The following CSNK2A2IP variants were observed in gnomAD, a reference collection of about 807,000 sequenced individuals.
CSNK2A2IP encodes casein kinase II subunit alpha'-interacting protein.
the CSNK2A2IP span, among the ~76,000 whole-genome samples, chr3:88,367,368 G>A: frequency 6.6e-6 from 1 of 151,956 alleles, no homozygotes; most frequent in Non-Finnish European, 1.5e-5. Context: ...GGTGTCATAG[G>A]GTCAGAGACA....
the CSNK2A2IP span, among the ~76,000 whole-genome samples, chr3:88,370,954 A>G: frequency 6.6e-6 from 1 of 151,854 alleles, no homozygotes; most frequent in African/African-American, 2.4e-5. Context: ...ACATAATGAG[A>G]AAGTAGCCCT....
the CSNK2A2IP span, among the ~76,000 whole-genome samples, chr3:88,383,691 C>G: frequency 8.5e-6 from 1 of 117,340 alleles, no homozygotes; most frequent in Non-Finnish European, 1.6e-5. Context: ...GAGTCTTGCT[C>G]TGTCACGCAG....
At chr3:88,467,253 C>T in the CSNK2A2IP span, 2 of 401,176 alleles carry the variant, frequency 5.0e-6, no homozygotes, top group African/African-American at 4.1e-5. Flanking sequence ...TTGCCTCTGC[C>T]TCTTCTGACT....
At chr3:88,362,659 C>T in the CSNK2A2IP span, among the ~76,000 whole-genome samples, 5 of 152,190 alleles carry the variant, frequency 3.3e-5, no homozygotes, top group East Asian at 3.9e-4. Context: ...CCAAAGGTCA[C>T]GTTAGTCAGC....
the CSNK2A2IP span, among the ~76,000 whole-genome samples, chr3:88,455,018 G>C: frequency 6.6e-6 from 1 of 151,838 alleles, no homozygotes; most frequent in Non-Finnish European, 1.5e-5. Context: ...TTCACTTAGT[G>C]TAATGTCTTC....
the CSNK2A2IP span, among the ~76,000 whole-genome samples, chr3:88,362,710 G>A: frequency 6.6e-6 from 1 of 152,200 alleles, no homozygotes; most frequent in Non-Finnish European, 1.5e-5. Flanking sequence ...CCACGCTAAG[G>A]TGGCAGATTC....
chr3:88,459,820 A>G, the CSNK2A2IP span, among the ~76,000 whole-genome samples: 18 of 152,152 alleles, frequency 1.2e-4, no homozygotes, highest in Non-Finnish European at 2.5e-4. Flanking sequence ...GAATTATGAA[A>G]ATGACAAAGT....
At chr3:88,425,033 T>C in the CSNK2A2IP span, among the ~76,000 whole-genome samples, 1 of 152,066 alleles carries the variant, frequency 6.6e-6, no homozygotes, top group African/African-American at 2.4e-5. Context: ...TGAAAATTTG[T>C]ATATATGAGT....
At chr3:88,402,747 T>G in the CSNK2A2IP span, among the ~76,000 whole-genome samples, 1 of 151,984 alleles carries the variant, frequency 6.6e-6, no homozygotes, top group Admixed American at 6.6e-5. Flanking sequence ...AAAACAAGGA[T>G]GGGAAGTGTG....
At chr3:88,435,487 T>C in the CSNK2A2IP span, among the ~76,000 whole-genome samples, 2 of 152,136 alleles carry the variant, frequency 1.3e-5, no homozygotes. Flanking sequence ...AGAACTTCTA[T>C]AGTTATCTAT....
chr3:88,398,704 G>T, the CSNK2A2IP span, among the ~76,000 whole-genome samples: 2 of 152,124 alleles, frequency 1.3e-5, no homozygotes, highest in Non-Finnish European at 2.9e-5. Context: ...CAAGTTGAAA[G>T]CTATTCTGGC....
the CSNK2A2IP span, among the ~76,000 whole-genome samples, chr3:88,383,637 T>G: frequency 6.7e-6 from 1 of 148,554 alleles, no homozygotes; most frequent in African/African-American, 2.5e-5. Flanking sequence ...TATGGACACC[T>G]GTTTCTTTTC....
At chr3:88,358,784 C>T in the CSNK2A2IP span, among the ~76,000 whole-genome samples, 2 of 152,024 alleles carry the variant, frequency 1.3e-5, no homozygotes, top group African/African-American at 4.8e-5. Context: ...GAAATACTGG[C>T]CAGCAGTTTT....
At chr3:88,455,358 T>C in the CSNK2A2IP span, among the ~76,000 whole-genome samples, 1 of 151,916 alleles carries the variant, frequency 6.6e-6, no homozygotes, top group Non-Finnish European at 1.5e-5. Context: ...CCCCACATCC[T>C]TGCCAACATT....
chr3:88,453,894 G>A, the CSNK2A2IP span, among the ~76,000 whole-genome samples: 3 of 151,974 alleles, frequency 2.0e-5, no homozygotes, highest in African/African-American at 4.8e-5. Context: ...AAAAAGCTGC[G>A]ATGAACATAT....
the CSNK2A2IP span, among the ~76,000 whole-genome samples, chr3:88,340,437 T>C: frequency 6.6e-6 from 1 of 152,032 alleles, no homozygotes; most frequent in Non-Finnish European, 1.5e-5. Context: ...TATTTTATGC[T>C]AATTCACTGG....
the CSNK2A2IP span, among the ~76,000 whole-genome samples, chr3:88,380,111 G>A: frequency 6.6e-6 from 1 of 152,004 alleles, no homozygotes; most frequent in African/African-American, 2.4e-5. Flanking sequence ...AACTGTTAAT[G>A]CAATTCTCCA....
the CSNK2A2IP span, among the ~76,000 whole-genome samples, chr3:88,377,271 C>T: frequency 2.0e-5 from 3 of 151,960 alleles, no homozygotes; most frequent in South Asian, 2.1e-4. Flanking sequence ...CAAACTTCTC[C>T]TTCTCACTAT....
the CSNK2A2IP span, among the ~76,000 whole-genome samples, chr3:88,402,598 G>A: frequency 6.6e-6 from 1 of 151,950 alleles, no homozygotes; most frequent in Non-Finnish European, 1.5e-5. Context: ...AGAGAAAAAG[G>A]CAATCTCTTA....
Sources: gnomAD v4.1 joint callset for allele counts (sites outside exome capture counted in the v4.1 genomes callset) on GRCh38, gnomAD v4.1.1 for gene constraint, MANE v1.5 for transcripts, NCBI Gene and HGNC (gene_info 2026-07-23, HGNC 2026-07-21) for gene names.